The following ZFHX3 variants were observed in gnomAD, a reference collection of about 807,000 sequenced individuals.
ZFHX3 encodes zinc finger homeobox protein 3.
Under a neutral mutation model 279.1 loss-of-function variants are expected in ZFHX3, and 42 were observed. The observed-to-expected ratio is 0.15, with a 90% confidence interval of 0.12 to 0.19. The LOEUF (loss-of-function observed/expected upper bound fraction) is 0.19. Among genes scored for constraint, ZFHX3 ranks in the 10% least tolerant of loss-of-function variants. The pLI is 1.00. For synonymous variants in ZFHX3, 2,293 were observed against 1,957.8 expected, an observed-to-expected ratio of 1.17 and a Z score of -4.52; for missense variants, 4,981 against 4,754.0, an observed-to-expected ratio of 1.05 and a Z score of -1.40.
chr16:73,648,808 T>A (rs1480302591), intron 2 of ZFHX3, among the ~76,000 whole-genome samples: 1 of 152,214 alleles, frequency 6.6e-6, no homozygotes, highest in Non-Finnish European at 1.5e-5. Flanking sequence ...AATCTCTTGA[T>A]TAAAAATATC....
chr16:73,124,132 T>A (rs1966532197), intron 7 of ZFHX3, among the ~76,000 whole-genome samples: 3 of 152,080 alleles, frequency 2.0e-5, no homozygotes, highest in Admixed American at 2.0e-4. Flanking sequence ...AGGAGAGCTA[T>A]TATAATAGTG....
At chr16:73,603,491 T>G (rs2052145272) in intron 2 of ZFHX3, among the ~76,000 whole-genome samples, 1 of 152,076 alleles carries the variant, frequency 6.6e-6, no homozygotes, top group Non-Finnish European at 1.5e-5. Flanking sequence ...ATACTGAAAG[T>G]TGGTGAGACG....
rs146824859 is a variant in ZFHX3 at position 72,867,237 on chromosome 16, CAAT to C, written c.3448+22491_3448+22493del. 3.0e-3 allele frequency among the ~76,000 whole-genome samples: 457 copies of C among 152,244 alleles called. 4 individuals are homozygous for C. The highest frequency in any genetic ancestry group is 0.014 in the Middle Eastern group (4 of 294). On this transcript the variant is annotated intron_variant, in intron 4 of 9. Coordinates refer to ENST00000268489, the MANE Select transcript of ZFHX3 (RefSeq NM_006885.4). ...GCATTAATTCTACTCCACCAGGTGT[CAAT>C]AATGTCAGTGTGGCATATTATGTGA...
intron 1 of ZFHX3, among the ~76,000 whole-genome samples, chr16:73,017,946 G>A (rs1964163348): frequency 6.6e-6 from 1 of 151,282 alleles, no homozygotes; most frequent in South Asian, 2.1e-4. Context: ...ATGAAAATTT[G>A]ATTTTTTCGA....
intron 1 of ZFHX3, among the ~76,000 whole-genome samples, chr16:73,843,347 T>C (rs899676895): frequency 6.6e-6 from 1 of 152,192 alleles, no homozygotes; most frequent in Admixed American, 6.5e-5. Flanking sequence ...TGTGAAGATA[T>C]TCAGCACAAA....
At chr16:73,707,472 C>T (rs1006959640) in intron 1 of ZFHX3, among the ~76,000 whole-genome samples, 9 of 151,432 alleles carry the variant, frequency 5.9e-5, no homozygotes, top group Non-Finnish European at 1.2e-4. Context: ...CCATCATTCT[C>T]AGCAAACTAT....
intron 4 of ZFHX3, among the ~76,000 whole-genome samples, chr16:72,842,865 G>T (rs1446059037): frequency 6.6e-6 from 1 of 152,158 alleles, no homozygotes; most frequent in Non-Finnish European, 1.5e-5. Context: ...AAACAGCCTT[G>T]AAGACAGGTA....
intron 5 of ZFHX3, among the ~76,000 whole-genome samples, chr16:72,816,409 C>A (rs936412755): frequency 1.3e-5 from 2 of 152,150 alleles, no homozygotes; most frequent in Non-Finnish European, 2.9e-5. Context: ...CGACTGAATG[C>A]GCTATAGATG....
chr16:73,331,003 T>C lies in ZFHX3; in HGVS notation c.-1290-12667A>G, dbSNP rs569756006. On this transcript the variant is annotated intron_variant, in intron 3 of 17. Coordinates refer to the ZFHX3 transcript ENST00000641206. Reference sequence around the variant, plus strand: ...TGTGGGCAGCTGTGTTAGTCCATTCTCACACTGCTATGAAAAAATACCCAA... The same window carrying C: ...TGTGGGCAGCTGTGTTAGTCCATTCCCACACTGCTATGAAAAAATACCCAA... 3.3e-5 allele frequency among the ~76,000 whole-genome samples: 5 copies of C among 152,302 alleles called. No homozygotes were observed. The South Asian group carries it at 1.0e-3, about 32-fold the overall frequency.
chr16:73,065,001 C>CTT (rs1567655902), intron 8 of ZFHX3, among the ~76,000 whole-genome samples: 1 of 152,240 alleles, frequency 6.6e-6, no homozygotes, highest in East Asian at 1.9e-4. Context: ...AAGTGAACAA[C>CTT]TTGAGGGCAA....
intron 5 of ZFHX3, among the ~76,000 whole-genome samples, chr16:73,198,637 C>T (rs560422387): frequency 6.6e-6 from 1 of 152,266 alleles, no homozygotes; most frequent in South Asian, 2.1e-4. Flanking sequence ...TTTGTGGTTT[C>T]CTTTTCCTAT....
chr16:73,023,982 A>G (rs981176239), intron 1 of ZFHX3, among the ~76,000 whole-genome samples: 3 of 152,162 alleles, frequency 2.0e-5, no homozygotes, highest in Non-Finnish European at 4.4e-5. Context: ...CTGTCTTCCC[A>G]GAGAAGGACG....
intron 4 of ZFHX3, among the ~76,000 whole-genome samples, chr16:72,887,889 G>A (rs193194447): frequency 9.2e-5 from 14 of 152,138 alleles, no homozygotes; most frequent in Admixed American, 2.0e-4. Flanking sequence ...GCGCACGTGC[G>A]AGAACGTGTA....
In ZFHX3 at chr16:73,616,380, C is replaced by T. The variant is rs77528942; in HGVS notation, c.-1547+63800G>A. ...TGTGTCAATCACAGCTGTTTCGGGT[C>T]TAAGTGGAGCATACTAGATCTAATA... is the stretch of plus-strand genomic sequence containing the variant. On this transcript the variant is annotated intron_variant, in intron 2 of 17. Coordinates refer to the ZFHX3 transcript ENST00000641206. Among the ~76,000 whole-genome samples the T allele has an allele frequency of 5.8e-3, 819 of 141,574 alleles. 3 individuals are homozygous for T. Among genetic ancestry groups the T allele is most frequent in the Non-Finnish European group, 9.3e-3 (610 of 65,898 alleles). 92.9% of individuals were successfully genotyped at this position (141,574 alleles called of 152,430 possible).
intron 4 of ZFHX3, chr16:73,318,184 AAAAC>A (rs1279382425): frequency 6.6e-6 from 1 of 152,120 alleles, no homozygotes; most frequent in East Asian, 1.9e-4. Flanking sequence ...TTGCAAAAAC[AAAAC>A]AAAACAAAAT....
At chr16:73,100,066 A>G (rs912541505) in intron 7 of ZFHX3, among the ~76,000 whole-genome samples, 3 of 152,186 alleles carry the variant, frequency 2.0e-5, no homozygotes, top group African/African-American at 7.2e-5. Flanking sequence ...CAGACGAAAG[A>G]TACCTGTGGA....
chr16:73,194,301 G>C (rs1317512172), intron 5 of ZFHX3, among the ~76,000 whole-genome samples: 2 of 152,104 alleles, frequency 1.3e-5, no homozygotes, highest in Non-Finnish European at 2.9e-5. Flanking sequence ...CCAGGCTCAA[G>C]CAATCCTCCC....
At chr16:73,079,596 C>T (rs1965923318) in intron 8 of ZFHX3, among the ~76,000 whole-genome samples, 1 of 152,050 alleles carries the variant, frequency 6.6e-6, no homozygotes, top group Non-Finnish European at 1.5e-5. Context: ...ACCCTGGCCT[C>T]CCAAAGTGTT....
chr16:73,801,574 A>C (rs1480390700), intron 1 of ZFHX3, among the ~76,000 whole-genome samples: 1 of 152,210 alleles, frequency 6.6e-6, no homozygotes, highest in Non-Finnish European at 1.5e-5. Context: ...TACTACATTA[A>C]TTTTAGGCAT....
Sources: allele counts gnomAD v4.1 joint callset (sites outside exome capture counted in the v4.1 genomes callset), GRCh38; gene constraint gnomAD v4.1.1; transcripts MANE v1.5; gene names NCBI Gene and HGNC (gene_info 2026-07-23, HGNC 2026-07-21).